The following C14orf39 variants were observed in gnomAD, a reference collection of about 807,000 sequenced individuals.
The protein encoded by C14orf39 is chromosome 14 open reading frame 39.
C14orf39 carries 66 observed loss-of-function variants against 85.6 expected under a neutral mutation model. The observed-to-expected ratio is 0.77, with a 90% CI of 0.63 to 0.95. The LOEUF is 0.95. C14orf39 is among the 40% of genes least tolerant of loss of function. The pLI, the probability that C14orf39 is intolerant of heterozygous loss-of-function variation, is 0.00. For synonymous variants in C14orf39, 242 were observed against 214.0 expected, an observed-to-expected ratio of 1.13 and a Z score of -1.14; for missense variants, 735 against 663.9, an observed-to-expected ratio of 1.11 and a Z score of -1.18.
intron 1 of C14orf39, chr14:60,509,866 C>A: frequency 6.2e-7 from 1 of 1,613,688 alleles, no homozygotes; most frequent in Non-Finnish European, 8.5e-7. Flanking sequence ...CTAACCCCAG[C>A]AAAAAACGTG....
intron 8 of C14orf39, among the ~76,000 whole-genome samples, chr14:60,468,816 T>A (rs1202198753): frequency 6.6e-6 from 1 of 151,596 alleles, no homozygotes; most frequent in Non-Finnish European, 1.5e-5. Context: ...ATTCCTTACA[T>A]TAAGGACAGT....
At chr14:60,483,876 A>T (rs1892759209) in intron 3 of C14orf39, 59 bp from the exon 4 acceptor site, 1 of 1,232,878 alleles carries the variant, frequency 8.1e-7, no homozygotes, top group Admixed American at 2.6e-5. Context: ...AAATAAACAA[A>T]TAGAGAAAAA....
At chr14:60,500,845 T>C (rs1893134727) in intron 1 of C14orf39, among the ~76,000 whole-genome samples, 1 of 152,100 alleles carries the variant, frequency 6.6e-6, no homozygotes, top group Admixed American at 6.5e-5. Flanking sequence ...TCAATGACCA[T>C]GTATTGCTTT....
chr14:60,474,814 T>G (rs1186952629), intron 5 of C14orf39, among the ~76,000 whole-genome samples: 2 of 152,174 alleles, frequency 1.3e-5, no homozygotes, highest in Non-Finnish European at 2.9e-5. Context: ...AGTATTTTAT[T>G]GAGGATTTTT....
chr14:60,469,070 A>G (rs1009562821), intron 8 of C14orf39, among the ~76,000 whole-genome samples: 1 of 151,434 alleles, frequency 6.6e-6, no homozygotes, highest in Non-Finnish European at 1.5e-5. Context: ...TGTTTCCAAG[A>G]AAAGTTTAAA....
At chr14:60,461,275 C>A in intron 13 of C14orf39, 79 bp downstream of exon 13, 1 of 1,247,540 alleles carries the variant, frequency 8.0e-7, no homozygotes, top group Non-Finnish European at 1.2e-6. Context: ...ATAATCGAAA[C>A]AATTTATTTG....
chr14:60,451,766 A>C (rs915229950), intron 16 of C14orf39, among the ~76,000 whole-genome samples: 5 of 152,160 alleles, frequency 3.3e-5, no homozygotes, highest in African/African-American at 1.2e-4. Flanking sequence ...CAGCACACCA[A>C]CATGGCAAAT....
At chr14:60,475,746 G>C (rs944035902) in intron 5 of C14orf39, among the ~76,000 whole-genome samples, 5 of 152,070 alleles carry the variant, frequency 3.3e-5, no homozygotes, top group African/African-American at 1.2e-4. Context: ...CGAAAACATT[G>C]AAAATGTTAA....
At chr14:60,451,019 C>T (rs566196942) in intron 16 of C14orf39, among the ~76,000 whole-genome samples, 1 of 152,262 alleles carries the variant, frequency 6.6e-6, no homozygotes, top group South Asian at 2.1e-4. Flanking sequence ...ACTGTGAAGA[C>T]TACAGTAAAT....
chr14:60,454,926 G>T, intron 16 of C14orf39, 75 bp downstream of exon 16: 1 of 1,176,410 alleles, frequency 8.5e-7, no homozygotes, highest in Non-Finnish European at 1.2e-6. Context: ...AGACAGTTTT[G>T]TATTAAAGAA....
chr14:60,473,024 G>C (rs1450594760), intron 5 of C14orf39, among the ~76,000 whole-genome samples: 14 of 152,166 alleles, frequency 9.2e-5, no homozygotes, highest in Admixed American at 9.2e-4. Context: ...CCCACCAACA[G>C]TGTAAAAGTG....
In C14orf39 at chr14:60,511,225, G is replaced by T. The variant is rs779776142; in HGVS notation, c.-144+4170C>A. The T allele has an allele frequency of 5.6e-6, 9 of 1,613,244 alleles. No homozygotes were observed. Among genetic ancestry groups the T allele is most frequent in the Non-Finnish European group, 7.6e-6 (9 of 1,179,960 alleles). ...CGGCCACTTCAGCCATCTCCATCAC[G>T]TCCAGCGACAGCGAGTGCGACATCT... On this transcript the variant is annotated intron_variant, in intron 1 of 5. Coordinates refer to the C14orf39 transcript ENST00000556799.
At chr14:60,489,529 A>G (rs1445790471), upstream of C14orf39, among the ~76,000 whole-genome samples, 1 of 152,224 alleles carries the variant, frequency 6.6e-6, no homozygotes, top group African/African-American at 2.4e-5. Flanking sequence ...CCAGCTATCA[A>G]ACATATGATC....
Position 60,436,826 on chromosome 14 carries a change from TAAGG to T in C14orf39, c.*15_*18del, listed in dbSNP as rs754769420. The T allele has an allele frequency of 3.2e-5, 49 of 1,533,644 alleles. No individual in the cohort carries two copies. Among genetic ancestry groups the T allele is most frequent in the Middle Eastern group, 3.6e-4 (2 of 5,502 alleles). On this transcript the variant is annotated 3_prime_UTR_variant, in exon 18 of 18. Transcript: ENST00000321731. ...ATGAACACAGAACAGTAAAATAATTTAAGGAATTAATGACTAGCTCAAAAAAAAG... is the reference window on the plus strand; with the variant it reads ...ATGAACACAGAACAGTAAAATAATTTAATTAATGACTAGCTCAAAAAAAAG...
intron 11 of C14orf39, among the ~76,000 whole-genome samples, chr14:60,463,703 G>A (rs1891646041): frequency 6.6e-6 from 1 of 152,048 alleles, no homozygotes; most frequent in Non-Finnish European, 1.5e-5. Flanking sequence ...CTATCTTTGT[G>A]TTTGACTTGT....
intron 10 of C14orf39, among the ~76,000 whole-genome samples, chr14:60,466,605 C>T (rs1470085370): frequency 6.6e-6 from 1 of 151,904 alleles, no homozygotes; most frequent in Non-Finnish European, 1.5e-5. Context: ...CTAAGTCACA[C>T]ATATTGATAA....
Position 60,485,946 on chromosome 14 carries a change from T to C in C14orf39, c.-10A>G. 6.6e-6 allele frequency: 1 copy of C among 152,066 alleles called. No individual in the cohort carries two copies. 9.4% of individuals were successfully genotyped at this position (152,066 alleles called of 1,614,324 possible). A position where few individuals can be genotyped will look rare whatever the true frequency, so the allele number is the denominator to read the frequency against. ...CATGCAGCTCCCTTCCACACGCACCTAAACAGCTCCTCTGGACCCGAACGC... is the reference window on the plus strand; with the variant it reads ...CATGCAGCTCCCTTCCACACGCACCCAAACAGCTCCTCTGGACCCGAACGC... On this transcript the variant is annotated splice_region_variant and 5_prime_UTR_variant, in exon 1 of 18. Transcript: ENST00000321731.
chr14:60,441,362 T>A (rs770169051), intron 17 of C14orf39, among the ~76,000 whole-genome samples: 1 of 152,176 alleles, frequency 6.6e-6, no homozygotes, highest in Middle Eastern at 3.2e-3. Context: ...AAAGAAGGTG[T>A]ATTACTTGGG....
In C14orf39 at chr14:60,511,348, C is replaced by G. The variant is rs912462443; in HGVS notation, c.-144+4047G>C. ...GAAGATGAGAGACCTGCAAATCCAG[C>G]GCCACAGAAGCCAGGTGACCAGGGA... On this transcript the variant is annotated intron_variant, in intron 1 of 5. Coordinates refer to the C14orf39 transcript ENST00000556799. 8.4e-6 allele frequency: 12 copies of G among 1,430,204 alleles called. No individual in the cohort carries two copies. In the Admixed American group the frequency reaches 1.9e-4, roughly 23 times the overall value. The allele number at this position is 1,430,204 out of a possible 1,614,324, so 88.6% of individuals were successfully genotyped here.
Sources: allele counts gnomAD v4.1 joint callset (sites outside exome capture counted in the v4.1 genomes callset), GRCh38; gene constraint gnomAD v4.1.1; transcripts MANE v1.5; gene names NCBI Gene and HGNC (gene_info 2026-07-23, HGNC 2026-07-21).